The following EFNA5 variants were observed in gnomAD, a reference collection of about 807,000 sequenced individuals.
The protein encoded by EFNA5 is ephrin-A5.
A neutral mutation model predicts 22.9 loss-of-function variants in EFNA5; 5 were observed. That is an observed-to-expected ratio of 0.22 (90% CI 0.11 to 0.46). EFNA5 has a LOEUF of 0.46. Among genes scored for constraint, EFNA5 ranks in the 20% least tolerant of loss-of-function variants. The pLI is 0.99. For missense variants in EFNA5, 237 were observed against 293.3 expected, an observed-to-expected ratio of 0.81 and a Z score of 1.40; for synonymous variants, 113 against 112.2, an observed-to-expected ratio of 1.01 and a Z score of -0.04.
At chr5:107,587,255 T>G (rs568736535) in intron 1 of EFNA5, among the ~76,000 whole-genome samples, 57 of 152,288 alleles carry the variant, frequency 3.7e-4, no homozygotes, top group Non-Finnish European at 7.6e-4. Context: ...TGTCCTTGTC[T>G]CCTCCTTCTT....
At chr5:107,602,245 A>G (rs796233318) in intron 1 of EFNA5, among the ~76,000 whole-genome samples, 3 of 152,340 alleles carry the variant, frequency 2.0e-5, no homozygotes, top group African/African-American at 7.2e-5. Flanking sequence ...TTATCTATAT[A>G]TAACATGGCT....
chr5:107,569,544 TG>T (rs1174657688), intron 1 of EFNA5, among the ~76,000 whole-genome samples: 39 of 127,388 alleles, frequency 3.1e-4, no homozygotes, highest in African/African-American at 9.4e-4. Context: ...TATATATATG[TG>T]TGTATATATA....
chr5:107,583,695 A>G (rs529498400), intron 1 of EFNA5, among the ~76,000 whole-genome samples: 2 of 152,338 alleles, frequency 1.3e-5, no homozygotes, highest in Admixed American at 1.3e-4. Flanking sequence ...ACTGTTAGGG[A>G]AAATTGGTTT....
intron 1 of EFNA5, among the ~76,000 whole-genome samples, chr5:107,527,511 G>T (rs755609186): frequency 6.6e-6 from 1 of 151,798 alleles, no homozygotes; most frequent in Non-Finnish European, 1.5e-5. Flanking sequence ...TATCTTGAAC[G>T]CCTGACCTTG....
At chr5:107,597,425 C>T (rs779395004) in intron 1 of EFNA5, among the ~76,000 whole-genome samples, 1 of 152,180 alleles carries the variant, frequency 6.6e-6, no homozygotes, top group Non-Finnish European at 1.5e-5. Context: ...CTTCCACTGG[C>T]ACTGACCCAT....
chr5:107,592,107 A>T (rs1417238949), intron 1 of EFNA5, among the ~76,000 whole-genome samples: 1 of 126,114 alleles, frequency 7.9e-6, no homozygotes, highest in African/African-American at 3.1e-5. Context: ...AATATATTTT[A>T]TATATATTAT....
chr5:107,556,790 A>ATATAAAAT (rs1554066399), intron 1 of EFNA5, among the ~76,000 whole-genome samples: 6,016 of 140,560 alleles, frequency 0.043, 612 homozygotes, highest in African/African-American at 0.15. Flanking sequence ...ATAAATAAAT[A>ATATAAAAT]AAATAAAATA....
chr5:107,589,389 G>C (rs1749270043), intron 1 of EFNA5, among the ~76,000 whole-genome samples: 1 of 152,074 alleles, frequency 6.6e-6, no homozygotes, highest in African/African-American at 2.4e-5. Context: ...AGCAAGTAGG[G>C]GGAAAAGGTA....
intron 1 of EFNA5, among the ~76,000 whole-genome samples, chr5:107,435,315 CTTTTTT>C (rs3999107): frequency 5.7e-5 from 6 of 104,666 alleles, no homozygotes; most frequent in African/African-American, 1.6e-4. Context: ...TGAAGATGCT[CTTTTTT>C]TTTTTTTTTT....
intron 1 of EFNA5, among the ~76,000 whole-genome samples, chr5:107,556,292 T>C (rs1281180301): frequency 6.6e-6 from 1 of 152,214 alleles, no homozygotes; most frequent in Non-Finnish European, 1.5e-5. Flanking sequence ...CTGTTATATG[T>C]ACACATTCTT....
chr5:107,580,648 G>C (rs555209546), intron 1 of EFNA5, among the ~76,000 whole-genome samples: 1 of 150,100 alleles, frequency 6.7e-6, no homozygotes, highest in African/African-American at 2.5e-5. Flanking sequence ...GCGTGAACTC[G>C]GGAGGCGGAG....
At chr5:107,610,868 G>C (rs1005855439) in intron 1 of EFNA5, among the ~76,000 whole-genome samples, 21 of 152,152 alleles carry the variant, frequency 1.4e-4, no homozygotes, top group African/African-American at 4.8e-4. Context: ...GACTGAAAAG[G>C]TCATATAGCA....
chr5:107,381,085 G>T lies in EFNA5; in HGVS notation c.*170C>A. The T allele has an allele frequency of 2.0e-6, 2 of 984,300 alleles. No homozygotes were observed. The highest frequency in any genetic ancestry group is 2.9e-6 in the Non-Finnish European group (2 of 701,312). The allele number at this position is 984,300 out of a possible 1,614,324, so 61.0% of individuals were successfully genotyped here. On this transcript the variant is annotated 3_prime_UTR_variant, in exon 5 of 5. Coordinates refer to ENST00000333274, the MANE Select transcript of EFNA5 (RefSeq NM_001962.3). ...GTGAGGGAGGCAGGAACAAGTTTAG[G>T]CCCCCAACCTGAAGTTGTTGCTTAG... is the stretch of plus-strand genomic sequence containing the variant.
chr5:107,381,303 G>A lies in EFNA5; in HGVS notation c.639C>T (p.Arg213=). 1 of 1,614,054 alleles carries A rather than the reference G, an allele frequency of 6.2e-7. No homozygotes were observed. Among genetic ancestry groups the A allele is most frequent in the Non-Finnish European group, 8.5e-7 (1 of 1,179,944 alleles). ...GGAGGAACAGTAGGATTGCCAAAAG[G>A]CGGCTGGGTATCCTTGGTGTTTGTG... ...NAAQTPRIPS[R]LLAILLFLLA... The change falls in exon 5 of 5, where the codon CGC becomes CGT. Residue 213 remains arginine, a synonymous_variant. Transcript: ENST00000333274.
chr5:107,628,815 G>T (rs1750188879), intron 1 of EFNA5, among the ~76,000 whole-genome samples: 1 of 152,142 alleles, frequency 6.6e-6, no homozygotes, highest in African/African-American at 2.4e-5. Flanking sequence ...TAGTATTTTT[G>T]AGGTCTGGGG....
intron 1 of EFNA5, among the ~76,000 whole-genome samples, chr5:107,443,561 C>T (rs528830847): frequency 5.3e-5 from 8 of 152,232 alleles, no homozygotes; most frequent in South Asian, 4.1e-4. Flanking sequence ...TTTTTCTAGG[C>T]GCTTAAACTT....
chr5:107,639,062 C>A (rs778037194), intron 1 of EFNA5, among the ~76,000 whole-genome samples: 6 of 152,176 alleles, frequency 3.9e-5, no homozygotes, highest in Non-Finnish European at 7.4e-5. Flanking sequence ...AGTAAAAATT[C>A]AGCCTTCAGT....
intron 1 of EFNA5, among the ~76,000 whole-genome samples, chr5:107,568,605 C>T (rs2112483413): frequency 6.6e-6 from 1 of 152,296 alleles, no homozygotes; most frequent in African/African-American, 2.4e-5. Flanking sequence ...TGGCCATCCT[C>T]AAACCCAAGT....
At chr5:107,447,907 G>A (rs1749438502) in intron 1 of EFNA5, among the ~76,000 whole-genome samples, 1 of 151,918 alleles carries the variant, frequency 6.6e-6, no homozygotes. Context: ...GAGTGCAGTG[G>A]CACAATCTCA....
Sources: gnomAD v4.1 joint callset for allele counts (sites outside exome capture counted in the v4.1 genomes callset) on GRCh38, gnomAD v4.1.1 for gene constraint, MANE v1.5 for transcripts, NCBI Gene and HGNC (gene_info 2026-07-23, HGNC 2026-07-21) for gene names.